PTPRN2: variants seen among roughly 807,000 people sequenced by gnomAD.
PTPRN2 encodes the protein receptor-type tyrosine-protein phosphatase N2.
Under a neutral mutation model 118.8 loss-of-function variants are expected in PTPRN2, and 74 were observed. That is an observed-to-expected ratio of 0.62 (90% confidence interval 0.52 to 0.76). The LOEUF is 0.76. Among genes scored for constraint, PTPRN2 ranks in the 30% least tolerant of loss-of-function variants. The probability of loss-of-function intolerance (pLI) is 0.00; values close to 1 mark genes in which losing one functional copy is unlikely to be tolerated. For missense variants in PTPRN2, 1,481 were observed against 1,394.4 expected (o/e 1.06, Z -0.99); for synonymous variants, 641 against 608.0 (o/e 1.05, Z -0.80).
intron 1 of PTPRN2, among the ~76,000 whole-genome samples, chr7:158,558,949 G>C (rs2129450791): frequency 6.6e-6 from 1 of 152,120 alleles, no homozygotes; most frequent in South Asian, 2.1e-4. Flanking sequence ...TGTTTCCAAT[G>C]AGGAGGAGCT....
At chr7:158,447,370 C>A (rs1817792263) in intron 2 of PTPRN2, among the ~76,000 whole-genome samples, 1 of 152,200 alleles carries the variant, frequency 6.6e-6, no homozygotes, top group South Asian at 2.1e-4. Context: ...AAATGGAATT[C>A]TTTGGCACCA....
At position 158,514,701 on chromosome 7, in the gene PTPRN2, TG is replaced by T. The variant is rs370063041; in HGVS notation, c.113-24917del. 2.2e-3 allele frequency among the ~76,000 whole-genome samples: 329 copies of T among 152,358 alleles called. 2 individuals carry two copies. Among genetic ancestry groups the T allele is most frequent in the African/African-American group, 6.5e-3 (271 of 41,588 alleles). On this transcript the variant is annotated intron_variant, in intron 1 of 22. Coordinates refer to ENST00000389418, the MANE Select transcript of PTPRN2 (RefSeq NM_002847.5). ...CATCAACATGCATGCAGCTGTTTAC[TG>T]GAATTTGCTTTTTCGTTACTTAAGC...
intron 3 of PTPRN2, among the ~76,000 whole-genome samples, chr7:158,232,120 C>A (rs1331098557): frequency 1.3e-5 from 2 of 151,570 alleles, no homozygotes; most frequent in Non-Finnish European, 2.9e-5. Flanking sequence ...CAAATCAGAG[C>A]AGAAATAAAT....
intron 13 of PTPRN2, among the ~76,000 whole-genome samples, chr7:157,659,795 A>C (rs1050669617): frequency 1.3e-5 from 2 of 151,832 alleles, no homozygotes; most frequent in Non-Finnish European, 2.9e-5. Context: ...CCCAGGCTGG[A>C]GTGGAGAGGC....
chr7:157,720,287 C>T (rs943703808), intron 12 of PTPRN2, among the ~76,000 whole-genome samples: 12 of 152,252 alleles, frequency 7.9e-5, no homozygotes, highest in East Asian at 1.9e-4. Flanking sequence ...CATCATGCCG[C>T]GGTGACACTG....
chr7:158,320,945 T>C (rs775220195), intron 2 of PTPRN2, among the ~76,000 whole-genome samples: 9 of 152,150 alleles, frequency 5.9e-5, no homozygotes, highest in East Asian at 1.9e-4. Context: ...TCTGGTAGAA[T>C]TGATTTTTAT....
chr7:157,744,295 C>T (rs1340599142), intron 12 of PTPRN2, among the ~76,000 whole-genome samples: 2 of 152,102 alleles, frequency 1.3e-5, no homozygotes, highest in Non-Finnish European at 2.9e-5. Context: ...CTCTCCCAGA[C>T]ATCGAAGGAG....
At chr7:157,693,581 C>T (rs1797625236) in intron 12 of PTPRN2, among the ~76,000 whole-genome samples, 1 of 152,026 alleles carries the variant, frequency 6.6e-6, no homozygotes, top group African/African-American at 2.4e-5. Flanking sequence ...CAGGGGCGGG[C>T]GACGGCGCCC....
At chr7:158,014,305 TCCATCCAC>T (rs1806276887) in intron 11 of PTPRN2, among the ~76,000 whole-genome samples, 1 of 147,106 alleles carries the variant, frequency 6.8e-6, no homozygotes, top group African/African-American at 2.5e-5. Context: ...TCAACCAGCA[TCCATCCAC>T]CCATCCATCC....
chr7:157,956,679 G>T (rs890476763), intron 11 of PTPRN2, among the ~76,000 whole-genome samples: 1 of 152,158 alleles, frequency 6.6e-6, no homozygotes, highest in Non-Finnish European at 1.5e-5. Context: ...TCCTCCCTAG[G>T]GAATGTCCAA....
chr7:157,540,906 C>T (rs191508156), intron 22 of PTPRN2, 121 bp from the exon 23 acceptor site: 130 of 728,832 alleles, frequency 1.8e-4, no homozygotes, highest in African/African-American at 1.1e-3. Context: ...ATCAGCTCCC[C>T]GGGCCATTTC....
At chr7:157,762,476 C>A (rs1467542830) in intron 12 of PTPRN2, among the ~76,000 whole-genome samples, 3 of 151,720 alleles carry the variant, frequency 2.0e-5, no homozygotes, top group Admixed American at 6.6e-5. Flanking sequence ...TCATCATTCT[C>A]AGTAAACTAT....
chr7:157,708,198 G>A (rs968104803), intron 12 of PTPRN2, among the ~76,000 whole-genome samples: 18 of 152,196 alleles, frequency 1.2e-4, no homozygotes, highest in Admixed American at 9.2e-4. Flanking sequence ...GCCCCGTGCC[G>A]TGTGCCTCTG....
chr7:157,582,666 G>C (rs1406448580), intron 17 of PTPRN2, among the ~76,000 whole-genome samples: 2 of 152,010 alleles, frequency 1.3e-5, no homozygotes, highest in Admixed American at 1.3e-4. Context: ...ACGAGGTCAG[G>C]AGTTCGAGAC....
Position 158,025,770 on chromosome 7 carries a change from A to G in PTPRN2, c.1723+55528T>C, listed in dbSNP as rs560301076. On this transcript the variant is annotated intron_variant, in intron 11 of 22. Coordinates refer to ENST00000389418, the MANE Select transcript of PTPRN2 (RefSeq NM_002847.5). Reference sequence around the variant, plus strand: ...GTGTGGTGTGAAGCTTTGTGCAGTAATTGACACAAGATCAGAAAGCAAACC... The same window carrying G: ...GTGTGGTGTGAAGCTTTGTGCAGTAGTTGACACAAGATCAGAAAGCAAACC... Among the ~76,000 whole-genome samples, 4 of 152,370 alleles carry G rather than the reference A, an allele frequency of 2.6e-5. No individual in the cohort carries two copies. In the South Asian group the frequency reaches 8.3e-4, roughly 32 times the overall value.
At chr7:158,343,843 GCTC>G (rs1186668115) in intron 2 of PTPRN2, among the ~76,000 whole-genome samples, 2 of 152,240 alleles carry the variant, frequency 1.3e-5, no homozygotes, top group Non-Finnish European at 2.9e-5. Flanking sequence ...TGTCGCGGCT[GCTC>G]CCAGTGGAAT....
rs180802450 is a variant in PTPRN2 at position 158,359,366 on chromosome 7, C to T, written c.164-42434G>A. ...AAACTTAATTTGGTATCACATTGGC[C>T]AAGAGGTCATTTGGCGAGGCCAACA... is the stretch of plus-strand genomic sequence containing the variant. On this transcript the variant is annotated intron_variant, in intron 2 of 22. Coordinates refer to ENST00000389418, the MANE Select transcript of PTPRN2 (RefSeq NM_002847.5). 3.3e-4 allele frequency among the ~76,000 whole-genome samples: 50 copies of T among 152,206 alleles called. 1 individual carries two copies. The highest frequency in any genetic ancestry group is 3.1e-3 in the Admixed American group (48 of 15,292).
At chr7:157,981,349 A>G (rs146753156) in intron 11 of PTPRN2, among the ~76,000 whole-genome samples, 144 of 123,360 alleles carry the variant, frequency 1.2e-3, no homozygotes, top group East Asian at 4.0e-3. Context: ...ATTCCAGGAC[A>G]GGTGAAACTG....
At chr7:157,562,568 C>T (rs1670048534) in intron 21 of PTPRN2, among the ~76,000 whole-genome samples, 15 of 152,262 alleles carry the variant, frequency 9.9e-5, no homozygotes, top group Admixed American at 9.2e-4. Context: ...TGGAGGGCTG[C>T]TGGCCTTCAA....
Sources: allele counts gnomAD v4.1 joint callset (sites outside exome capture counted in the v4.1 genomes callset), GRCh38; gene constraint gnomAD v4.1.1; transcripts MANE v1.5; gene names NCBI Gene and HGNC (gene_info 2026-07-23, HGNC 2026-07-21).